The following LRMDA variants were observed in gnomAD, a reference collection of about 807,000 sequenced individuals.
The protein encoded by LRMDA is leucine-rich melanocyte differentiation-associated protein.
LRMDA carries 18 observed loss-of-function variants against 29.8 expected under a neutral mutation model. The observed-to-expected ratio is 0.60, with a 90% confidence interval of 0.42 to 0.90. The LOEUF (loss-of-function observed/expected upper bound fraction) is 0.90, where lower values mean the gene tolerates loss of function less well. Among genes scored for constraint, LRMDA ranks in the 40% least tolerant of loss-of-function variants. The pLI, the probability that LRMDA is intolerant of heterozygous loss-of-function variation, is 0.00. For missense variants in LRMDA, 273 were observed against 273.9 expected, an observed-to-expected ratio of 1.00 and a Z score of 0.02; for synonymous variants, 125 against 109.4, an observed-to-expected ratio of 1.14 and a Z score of -0.89.
chr10:76,369,962 A>G (rs1303735785), intron 6 of LRMDA, among the ~76,000 whole-genome samples: 1 of 152,142 alleles, frequency 6.6e-6, no homozygotes, highest in Non-Finnish European at 1.5e-5. Flanking sequence ...ATGTAGACAA[A>G]TAACAGTATC....
intron 2 of LRMDA, among the ~76,000 whole-genome samples, chr10:75,806,526 A>G (rs900680273): frequency 1.3e-5 from 2 of 152,140 alleles, no homozygotes; most frequent in Non-Finnish European, 2.9e-5. Flanking sequence ...ATCACTAAAC[A>G]TGTCTCTGTG....
intron 2 of LRMDA, among the ~76,000 whole-genome samples, chr10:75,639,134 G>A (rs1259132338): frequency 6.6e-6 from 1 of 152,202 alleles, no homozygotes; most frequent in Non-Finnish European, 1.5e-5. Flanking sequence ...AAAACCATGA[G>A]AGTACCATTT....
chr10:76,297,924 T>G (rs1840431793), intron 5 of LRMDA, among the ~76,000 whole-genome samples: 1 of 152,232 alleles, frequency 6.6e-6, no homozygotes, highest in South Asian at 2.1e-4. Flanking sequence ...AGCACATAGT[T>G]AAAGCTTCCA....
intron 2 of LRMDA, among the ~76,000 whole-genome samples, chr10:75,972,449 T>G (rs1439234128): frequency 6.6e-6 from 1 of 152,148 alleles, no homozygotes; most frequent in Non-Finnish European, 1.5e-5. Flanking sequence ...ATTTTCCCCT[T>G]CTCATTTTAA....
chr10:75,714,112 GAAC>G (rs929721305), intron 2 of LRMDA, among the ~76,000 whole-genome samples: 1 of 152,164 alleles, frequency 6.6e-6, no homozygotes, highest in African/African-American at 2.4e-5. Flanking sequence ...CAGAATGCAT[GAAC>G]AGCTGCCTTC....
intron 2 of LRMDA, among the ~76,000 whole-genome samples, chr10:75,733,880 T>C (rs1287509054): frequency 6.6e-6 from 1 of 152,156 alleles, no homozygotes; most frequent in East Asian, 1.9e-4. Flanking sequence ...GGTGGATGAA[T>C]CATGAAGCCT....
intron 2 of LRMDA, among the ~76,000 whole-genome samples, chr10:75,480,774 A>G (rs189284487): frequency 2.0e-4 from 31 of 152,286 alleles, no homozygotes; most frequent in African/African-American, 7.5e-4. Context: ...CAGATGAGTT[A>G]GGAGGTTGTA....
chr10:76,531,773 T>C (rs1213942105), intron 6 of LRMDA, among the ~76,000 whole-genome samples: 2 of 152,132 alleles, frequency 1.3e-5, no homozygotes, highest in Non-Finnish European at 2.9e-5. Context: ...TATTTGCCTG[T>C]TTTTGGTATC....
intron 2 of LRMDA, among the ~76,000 whole-genome samples, chr10:75,764,913 T>A (rs115326598): frequency 0.013 from 1,981 of 149,408 alleles, 46 homozygotes; most frequent in African/African-American, 0.047. Flanking sequence ...CTCTTTGCCC[T>A]CCCTGCAAGA....
At chr10:75,888,758 G>A (rs1845433484) in intron 2 of LRMDA, among the ~76,000 whole-genome samples, 1 of 152,100 alleles carries the variant, frequency 6.6e-6, no homozygotes, top group African/African-American at 2.4e-5. Context: ...ATAACATCTG[G>A]GCCATCAACG....
chr10:75,797,414 C>T (rs1297666023), intron 2 of LRMDA, among the ~76,000 whole-genome samples: 2 of 152,046 alleles, frequency 1.3e-5, no homozygotes, highest in Non-Finnish European at 2.9e-5. Flanking sequence ...ATTTGCATTA[C>T]ATAAAATTAT....
At position 76,060,326 on chromosome 10, in the gene LRMDA, G is replaced by T. The variant is rs550689755; in HGVS notation, c.516+1543G>T. 5.3e-5 allele frequency among the ~76,000 whole-genome samples: 8 copies of T among 152,276 alleles called. No individual in the cohort carries two copies. In the South Asian group the frequency reaches 1.7e-3, roughly 32 times the overall value. The stretch of plus-strand genomic sequence containing the variant: ...ACATTGTCACACAAAATCTGAAGGG[G>T]TAATAAATGTAGTACCCACCATATC... On this transcript the variant is annotated intron_variant, in intron 5 of 6. Transcript: ENST00000611255.
chr10:75,789,964 A>G (rs1843537766), intron 2 of LRMDA, among the ~76,000 whole-genome samples: 2 of 152,144 alleles, frequency 1.3e-5, no homozygotes, highest in African/African-American at 4.8e-5. Context: ...GCAGCAGGCA[A>G]CCAAATATAC....
intron 5 of LRMDA, among the ~76,000 whole-genome samples, chr10:76,095,902 G>A (rs1429752459): frequency 1.3e-5 from 2 of 151,078 alleles, no homozygotes; most frequent in East Asian, 3.9e-4. Flanking sequence ...CCGAGATCGT[G>A]CCACTGCACT....
At chr10:75,978,745 T>C (rs938965288) in intron 2 of LRMDA, among the ~76,000 whole-genome samples, 1 of 152,236 alleles carries the variant, frequency 6.6e-6, no homozygotes, top group Non-Finnish European at 1.5e-5. Context: ...CATTTTTTAT[T>C]TGAATAATCT....
chr10:76,383,067 A>G (rs532289274), intron 6 of LRMDA, among the ~76,000 whole-genome samples: 2 of 152,228 alleles, frequency 1.3e-5, no homozygotes, highest in African/African-American at 2.4e-5. Flanking sequence ...CTCAAGCTAC[A>G]TGTCTCAATC....
intron 2 of LRMDA, among the ~76,000 whole-genome samples, chr10:75,535,020 C>T (rs1039021047): frequency 3.3e-5 from 5 of 152,038 alleles, no homozygotes; most frequent in African/African-American, 1.2e-4. Flanking sequence ...TGTCTCTGTC[C>T]ACCATGAAGA....
intron 5 of LRMDA, among the ~76,000 whole-genome samples, chr10:76,119,501 C>A (rs1849737662): frequency 1.3e-5 from 2 of 152,118 alleles, no homozygotes; most frequent in South Asian, 4.1e-4. Flanking sequence ...TGTCCAGGGT[C>A]AGGGAGAGAA....
intron 2 of LRMDA, among the ~76,000 whole-genome samples, chr10:75,659,745 T>G (rs1169383262): frequency 2.6e-5 from 4 of 152,230 alleles, no homozygotes; most frequent in Non-Finnish European, 5.9e-5. Context: ...GTTATAACAC[T>G]GTATTGTACA....
Sources: allele counts gnomAD v4.1 joint callset (sites outside exome capture counted in the v4.1 genomes callset), GRCh38; gene constraint gnomAD v4.1.1; transcripts MANE v1.5; gene names NCBI Gene and HGNC (gene_info 2026-07-23, HGNC 2026-07-21).